PABPC4L: variants seen among roughly 807,000 people sequenced by gnomAD.
The protein encoded by PABPC4L is poly(A) binding protein cytoplasmic 4 like.
For missense variants in PABPC4L, 452 were observed against 451.4 expected, an observed-to-expected ratio of 1.00 and a Z score of -0.01; for synonymous variants, 169 against 164.1, an observed-to-expected ratio of 1.03 and a Z score of -0.23.
At chr4:133,970,070 T>TA in the PABPC4L span, among the ~76,000 whole-genome samples, 2 of 123,360 alleles carry the variant, frequency 1.6e-5, no homozygotes, top group Non-Finnish European at 3.7e-5. Flanking sequence ...TTAAAATATT[T>TA]AAAAAATATA....
chr4:134,082,390 T>C, the PABPC4L span, among the ~76,000 whole-genome samples: 2 of 152,220 alleles, frequency 1.3e-5, no homozygotes, highest in East Asian at 1.9e-4. Flanking sequence ...AGTCTCAGGC[T>C]CAGAGAAATC....
At chr4:134,037,880 AG>A in the PABPC4L span, among the ~76,000 whole-genome samples, 1 of 152,068 alleles carries the variant, frequency 6.6e-6, no homozygotes, top group Non-Finnish European at 1.5e-5. Context: ...GTGGTAAGAG[AG>A]GGCATCCTTG....
At chr4:134,049,034 A>T in the PABPC4L span, among the ~76,000 whole-genome samples, 42 of 152,206 alleles carry the variant, frequency 2.8e-4, no homozygotes, top group African/African-American at 4.1e-4. Context: ...GTTTCAACTG[A>T]AATAGAAAAG....
chr4:133,992,413 C>G, the PABPC4L span, among the ~76,000 whole-genome samples: 1 of 152,174 alleles, frequency 6.6e-6, no homozygotes, highest in Admixed American at 6.5e-5. Flanking sequence ...TTCCTTTGCC[C>G]TTATGTAGCC....
chr4:134,138,962 G>A, the PABPC4L span, among the ~76,000 whole-genome samples: 4 of 151,688 alleles, frequency 2.6e-5, no homozygotes, highest in Non-Finnish European at 2.9e-5. Context: ...TAAGAAAATA[G>A]GTTTCACTAA....
chr4:133,981,756 T>G, the PABPC4L span, among the ~76,000 whole-genome samples: 1 of 152,000 alleles, frequency 6.6e-6, no homozygotes, highest in Non-Finnish European at 1.5e-5. Context: ...GATGAAATTC[T>G]AATGTATATC....
At chr4:134,064,719 A>G in the PABPC4L span, among the ~76,000 whole-genome samples, 1 of 152,056 alleles carries the variant, frequency 6.6e-6, no homozygotes, top group Non-Finnish European at 1.5e-5. Context: ...CATAAAATGC[A>G]ATAGGTAGCT....
the PABPC4L span, among the ~76,000 whole-genome samples, chr4:134,118,750 A>G: frequency 2.6e-3 from 401 of 151,886 alleles, 1 homozygote; most frequent in Non-Finnish European, 4.3e-3. Context: ...TTTCAAAAGT[A>G]TATTCCCTAG....
the PABPC4L span, among the ~76,000 whole-genome samples, chr4:134,103,614 C>T: frequency 5.3e-5 from 8 of 151,702 alleles, no homozygotes; most frequent in Admixed American, 4.6e-4. Context: ...AATACTGTCA[C>T]ATTCTGATGT....
chr4:134,015,205 C>A, the PABPC4L span, among the ~76,000 whole-genome samples: 5 of 152,150 alleles, frequency 3.3e-5, no homozygotes, highest in African/African-American at 9.7e-5. Context: ...TTATCAGTCA[C>A]CTGTTACAGC....
At chr4:133,962,662 A>G in the PABPC4L span, among the ~76,000 whole-genome samples, 2 of 152,166 alleles carry the variant, frequency 1.3e-5, no homozygotes. Flanking sequence ...TTCTAGCTTG[A>G]AGGGATTGGG....
the PABPC4L span, among the ~76,000 whole-genome samples, chr4:134,006,779 C>T: frequency 6.6e-6 from 1 of 151,838 alleles, no homozygotes; most frequent in Non-Finnish European, 1.5e-5. Flanking sequence ...TTTTACTCAT[C>T]ATCTCTCTAA....
chr4:134,182,828 A>C, the PABPC4L span, among the ~76,000 whole-genome samples: 1 of 152,078 alleles, frequency 6.6e-6, no homozygotes, highest in South Asian at 2.1e-4. Context: ...AAAAAGACAT[A>C]CACATGGCCA....
chr4:134,128,257 C>T, the PABPC4L span, among the ~76,000 whole-genome samples: 1 of 152,132 alleles, frequency 6.6e-6, no homozygotes, highest in Non-Finnish European at 1.5e-5. Context: ...ATTGTGGAAG[C>T]CTTCCCTGGC....
the PABPC4L span, among the ~76,000 whole-genome samples, chr4:134,090,598 C>G: frequency 6.6e-6 from 1 of 151,842 alleles, no homozygotes; most frequent in Non-Finnish European, 1.5e-5. Flanking sequence ...GACCCCATCT[C>G]TAAAATAATT....
the PABPC4L span, among the ~76,000 whole-genome samples, chr4:134,012,517 C>T: frequency 4.0e-4 from 61 of 152,296 alleles, 1 homozygote; most frequent in East Asian, 0.01. Flanking sequence ...TATCTCCCTT[C>T]GCTGACTCTC....
chr4:134,001,166 T>C, the PABPC4L span, among the ~76,000 whole-genome samples: 1 of 122,218 alleles, frequency 8.2e-6, no homozygotes, highest in African/African-American at 2.6e-5. Flanking sequence ...AATTGACCTC[T>C]ATGTTATGCT....
chr4:134,015,875 C>G, the PABPC4L span, among the ~76,000 whole-genome samples: 1 of 152,160 alleles, frequency 6.6e-6, no homozygotes, highest in African/African-American at 2.4e-5. Context: ...GCTCAACTCA[C>G]TCTCTACAGT....
At chr4:134,080,231 A>T in the PABPC4L span, among the ~76,000 whole-genome samples, 1 of 152,166 alleles carries the variant, frequency 6.6e-6, no homozygotes, top group Non-Finnish European at 1.5e-5. Context: ...CCATATTTCT[A>T]CCTTAACTAC....
Sources: gnomAD v4.1 joint callset for allele counts (sites outside exome capture counted in the v4.1 genomes callset) on GRCh38, gnomAD v4.1.1 for gene constraint, MANE v1.5 for transcripts, NCBI Gene and HGNC (gene_info 2026-07-23, HGNC 2026-07-21) for gene names.